The following CDH11 variants were observed in gnomAD, a reference collection of about 807,000 sequenced individuals.
The protein encoded by CDH11 is cadherin-11.
A neutral mutation model predicts 67.8 loss-of-function variants in CDH11; 11 were observed. The observed-to-expected ratio is 0.16, with a 90% CI of 0.10 to 0.27. The LOEUF (loss-of-function observed/expected upper bound fraction) is 0.27, where lower values mean the gene tolerates loss of function less well. CDH11 is among the 10% of genes least tolerant of loss of function. CDH11 has a pLI of 1.00. For missense variants in CDH11, 847 were observed against 1,031.2 expected (o/e 0.82, Z 2.45); for synonymous variants, 419 against 400.0 (o/e 1.05, Z -0.57).
At chr16:65,084,333 G>A (rs2074660791) in intron 1 of CDH11, among the ~76,000 whole-genome samples, 1 of 151,974 alleles carries the variant, frequency 6.6e-6, no homozygotes, top group African/African-American at 2.4e-5. Context: ...GTACATGCCT[G>A]TAGTCCTAGC....
intron 1 of CDH11, among the ~76,000 whole-genome samples, chr16:65,099,653 T>G (rs1597193539): frequency 1.3e-5 from 2 of 152,310 alleles, no homozygotes; most frequent in South Asian, 2.1e-4. Context: ...AACACTTGAT[T>G]AGACCCAGAA....
chr16:65,024,913 C>T (rs146644214), intron 2 of CDH11, among the ~76,000 whole-genome samples: 18 of 152,300 alleles, frequency 1.2e-4, no homozygotes, highest in African/African-American at 3.9e-4. Flanking sequence ...GTAAATAGAA[C>T]AGATAGCTGA....
Position 65,004,636 on chromosome 16 carries a change from C to G in CDH11, c.228+6G>C, listed in dbSNP as rs369196467. On this transcript the variant is annotated splice_donor_region_variant and intron_variant, in intron 3 of 12. Coordinates refer to ENST00000268603, the MANE Select transcript of CDH11 (RefSeq NM_001797.4). ...AAAGCTCAGGATTGAGGGAAGGCAG[C>G]CTTACCCTGCCCACAAGCACGGGGT... is the stretch of plus-strand genomic sequence containing the variant. 20 of 1,610,422 alleles carry G rather than the reference C, an allele frequency of 1.2e-5. No individual in the cohort carries two copies. The highest frequency in any genetic ancestry group is 2.2e-5 in the East Asian group (1 of 44,794).
chr16:65,119,842 CAA>C (rs1367574953), intron 1 of CDH11, among the ~76,000 whole-genome samples: 1 of 152,184 alleles, frequency 6.6e-6, no homozygotes, highest in Non-Finnish European at 1.5e-5. Context: ...CTTACTCAAG[CAA>C]AGTTTCCTGG....
chr16:64,950,007 A>C (rs2142369266), intron 12 of CDH11, among the ~76,000 whole-genome samples: 1 of 152,264 alleles, frequency 6.6e-6, no homozygotes, highest in Non-Finnish European at 1.5e-5. Context: ...TCATGGCAAA[A>C]GTGTAGGTTT....
chr16:65,032,635 C>T (rs1048502021), intron 2 of CDH11, among the ~76,000 whole-genome samples: 14 of 152,068 alleles, frequency 9.2e-5, no homozygotes, highest in Non-Finnish European at 1.5e-4. Context: ...CAAAAACAGT[C>T]AAAGAAAAGT....
intron 8 of CDH11, among the ~76,000 whole-genome samples, chr16:64,973,436 G>A (rs2072068113): frequency 2.0e-5 from 3 of 152,162 alleles, no homozygotes; most frequent in African/African-American, 7.2e-5. Flanking sequence ...TTTTGCATAT[G>A]AAATTTTAAA....
chr16:65,053,063 G>T (rs539919214), intron 2 of CDH11, among the ~76,000 whole-genome samples: 1 of 152,146 alleles, frequency 6.6e-6, no homozygotes, highest in Non-Finnish European at 1.5e-5. Flanking sequence ...GAGACGAGCC[G>T]TAGGCACTTG....
intron 1 of CDH11, among the ~76,000 whole-genome samples, chr16:65,056,069 G>A (rs1199588923): frequency 6.6e-6 from 1 of 152,200 alleles, no homozygotes; most frequent in Admixed American, 6.5e-5. Flanking sequence ...ATTAAGATCT[G>A]TGGTTTAAAC....
intron 2 of CDH11, among the ~76,000 whole-genome samples, chr16:65,009,310 A>G (rs1409604214): frequency 6.6e-6 from 1 of 152,214 alleles, no homozygotes; most frequent in Non-Finnish European, 1.5e-5. Context: ...AACAAGAGGT[A>G]ATTACATCAG....
chr16:65,071,029 C>T (rs368697535), intron 1 of CDH11, among the ~76,000 whole-genome samples: 15 of 152,276 alleles, frequency 9.9e-5, no homozygotes, highest in African/African-American at 2.4e-4. Context: ...GTGCTGTCCT[C>T]GTCACTGTCC....
intron 2 of CDH11, among the ~76,000 whole-genome samples, chr16:65,010,103 G>A (rs1179863442): frequency 1.3e-5 from 2 of 152,196 alleles, no homozygotes; most frequent in Admixed American, 1.3e-4. Flanking sequence ...AGAGCTGGAA[G>A]GATCAGACAG....
intron 7 of CDH11, chr16:64,986,582 A>G: frequency 6.6e-6 from 1 of 151,866 alleles, no homozygotes; most frequent in Admixed American, 6.6e-5. Context: ...AGAGATAGTA[A>G]TATTAATTAA....
chr16:64,954,296 A>G (rs1430254292), intron 11 of CDH11, among the ~76,000 whole-genome samples: 1 of 152,224 alleles, frequency 6.6e-6, no homozygotes, highest in African/African-American at 2.4e-5. Context: ...CATGCTTCAC[A>G]TATAGATTTT....
In CDH11 at chr16:65,096,406, G is replaced by GGGGTGTGT. The variant is rs1555528173; in HGVS notation, c.-298+25473_-298+25474insACACACCC. 5.0e-3 allele frequency among the ~76,000 whole-genome samples: 674 copies of GGGGTGTGT among 134,018 alleles called. 6 individuals are homozygous for GGGGTGTGT. The highest frequency in any genetic ancestry group is 0.011 in the East Asian group (50 of 4,568). 87.9% of individuals were successfully genotyped at this position (134,018 alleles called of 152,430 possible). On this transcript the variant is annotated intron_variant, in intron 1 of 12. Coordinates refer to ENST00000268603, the MANE Select transcript of CDH11 (RefSeq NM_001797.4). Reference sequence around the variant, plus strand: ...CAATCTCTTACCATAAATCTTTCGGGGTGTGTGTGTGTGTGTGTGTGTGTG... The same window carrying GGGGTGTGT: ...CAATCTCTTACCATAAATCTTTCGGGGGGTGTGTGTGTGTGTGTGTGTGTGTGTGTGTG...
chr16:65,001,026 G>C (rs2072908521), intron 3 of CDH11, among the ~76,000 whole-genome samples: 2 of 152,098 alleles, frequency 1.3e-5, no homozygotes, highest in Admixed American at 1.3e-4. Flanking sequence ...AAGGCCTAGA[G>C]ACCTTGCTTA....
intron 1 of CDH11, among the ~76,000 whole-genome samples, chr16:65,087,844 T>A (rs1347231261): frequency 1.3e-5 from 2 of 152,212 alleles, no homozygotes; most frequent in Non-Finnish European, 2.9e-5. Context: ...ATAGCAGGAC[T>A]CCTCACTTTG....
chr16:65,098,544 G>A (rs1240457806), intron 1 of CDH11, among the ~76,000 whole-genome samples: 2 of 151,912 alleles, frequency 1.3e-5, no homozygotes, highest in Non-Finnish European at 2.9e-5. Flanking sequence ...GTGTGCGTGT[G>A]TTTTAGAGAC....
At chr16:64,966,400 A>G (rs1520241) in intron 11 of CDH11, among the ~76,000 whole-genome samples, 69,124 of 151,660 alleles carry the variant, frequency 0.46, 16,701 homozygotes, top group East Asian at 0.79. Context: ...CAGAAAGAAT[A>G]AAAAAAGCAA....
Sources: gnomAD v4.1 joint callset for allele counts (sites outside exome capture counted in the v4.1 genomes callset) on GRCh38, gnomAD v4.1.1 for gene constraint, MANE v1.5 for transcripts, NCBI Gene and HGNC (gene_info 2026-07-23, HGNC 2026-07-21) for gene names.